Variants in AGTPBP1 observed in about 807,000 individuals in gnomAD.
AGTPBP1 encodes the protein cytosolic carboxypeptidase 1.
In AGTPBP1, 70 loss-of-function variants were observed where a neutral mutation model predicts 143.9. That is an observed-to-expected ratio of 0.49 (90% confidence interval 0.40 to 0.59). The LOEUF (loss-of-function observed/expected upper bound fraction) is 0.59, where lower values mean the gene tolerates loss of function less well. AGTPBP1 is among the 20% of genes least tolerant of loss of function. AGTPBP1 has a pLI of 0.00. For missense variants in AGTPBP1, 1,229 were observed against 1,464.5 expected (o/e 0.84, Z 2.62); for synonymous variants, 463 against 500.2 (o/e 0.93, Z 0.99).
chr9:85,650,700 C>T (rs1391752333), intron 11 of AGTPBP1, among the ~76,000 whole-genome samples: 3 of 152,142 alleles, frequency 2.0e-5, no homozygotes, highest in Non-Finnish European at 4.4e-5. Flanking sequence ...TTGCCTTTAA[C>T]ATCTACTTAG....
chr9:85,606,354 C>A (rs1299136225), intron 17 of AGTPBP1, among the ~76,000 whole-genome samples: 5 of 150,530 alleles, frequency 3.3e-5, no homozygotes, highest in Non-Finnish European at 5.9e-5. Context: ...CAATGAGATA[C>A]CATCTTACCC....
intron 3 of AGTPBP1, among the ~76,000 whole-genome samples, chr9:85,685,692 G>C (rs533998139): frequency 6.6e-6 from 1 of 152,088 alleles, no homozygotes; most frequent in South Asian, 2.1e-4. Context: ...AAAGAATAAA[G>C]AGCTTCCAAA....
intron 6 of AGTPBP1, among the ~76,000 whole-genome samples, chr9:85,674,695 A>C (rs1395535888): frequency 6.6e-6 from 1 of 152,194 alleles, no homozygotes; most frequent in Non-Finnish European, 1.5e-5. Flanking sequence ...CTGGAAAATT[A>C]AAGTCACTTC....
chr9:85,564,603 T>A (rs1826958315), intron 25 of AGTPBP1, among the ~76,000 whole-genome samples: 1 of 152,236 alleles, frequency 6.6e-6, no homozygotes, highest in Admixed American at 6.5e-5. Context: ...CCCATTGTGT[T>A]ACAATTATAT....
the AGTPBP1 span, among the ~76,000 whole-genome samples, chr9:85,757,094 TA>T: frequency 1.3e-5 from 2 of 152,150 alleles, no homozygotes; most frequent in African/African-American, 4.8e-5. Flanking sequence ...ACTTTATTAT[TA>T]TTTTTTATTT....
Position 85,728,076 on chromosome 9 carries a change from C to CACACACAT in AGTPBP1, c.-34+13698_-34+13699insATGTGTGT, listed in dbSNP as rs1187459225. Among the ~76,000 whole-genome samples the CACACACAT allele has an allele frequency of 6.8e-4, 98 of 144,212 alleles. 2 individuals carry two copies. The highest frequency in any genetic ancestry group is 1.6e-3 in the African/African-American group (60 of 38,694). The allele number at this position is 144,212 out of a possible 152,430, so 94.6% of individuals were successfully genotyped here. ...ACACACACACACACACACACACACA[C>CACACACAT]ATATTTACTTCAAGTGACAAGATTC... On this transcript the variant is annotated intron_variant, in intron 1 of 25. Transcript: ENST00000357081.
chr9:85,778,442 A>C, the AGTPBP1 span, among the ~76,000 whole-genome samples: 1 of 152,226 alleles, frequency 6.6e-6, no homozygotes, highest in East Asian at 1.9e-4. Flanking sequence ...TCCAAACAGC[A>C]TCCCTATCTG....
intron 3 of AGTPBP1, among the ~76,000 whole-genome samples, chr9:85,687,482 T>G (rs1055980380): frequency 6.6e-6 from 1 of 152,006 alleles, no homozygotes; most frequent in Non-Finnish European, 1.5e-5. Context: ...AAAACAAGTC[T>G]CAAGCAATTC....
intron 11 of AGTPBP1, among the ~76,000 whole-genome samples, chr9:85,653,812 AC>A (rs1160045027): frequency 2.0e-5 from 3 of 152,046 alleles, no homozygotes; most frequent in African/African-American, 7.2e-5. Context: ...TGCCCCTCTT[AC>A]CCAGTTTTCA....
In AGTPBP1 at chr9:85,557,226, A is replaced by G. The variant is rs190855027; in HGVS notation, c.3504-9940T>C. Reference sequence around the variant, plus strand: ...TAATTTGATACCTATCTACATCTCAATTATAAGGATCATTTACTTATGACA... The same window carrying G: ...TAATTTGATACCTATCTACATCTCAGTTATAAGGATCATTTACTTATGACA... On this transcript the variant is annotated intron_variant, in intron 25 of 25. Coordinates refer to ENST00000357081, the MANE Select transcript of AGTPBP1 (RefSeq NM_001330701.2). Among the ~76,000 whole-genome samples, 6 of 152,286 alleles carry G rather than the reference A, an allele frequency of 3.9e-5. No homozygotes were observed. The East Asian group carries it at 1.2e-3, about 29-fold the overall frequency.
chr9:85,706,238 C>T (rs62570565), intron 2 of AGTPBP1, among the ~76,000 whole-genome samples: 2,250 of 151,796 alleles, frequency 0.015, 24 homozygotes, highest in Middle Eastern at 0.037. Context: ...ATAGGCCAGG[C>T]ACAATGGCTC....
At chr9:85,641,533 T>A (rs996342454) in intron 13 of AGTPBP1, among the ~76,000 whole-genome samples, 3 of 151,966 alleles carry the variant, frequency 2.0e-5, no homozygotes, top group Non-Finnish European at 4.4e-5. Context: ...TACCTTCTCA[T>A]GTACCTCAAA....
chr9:85,680,953 T>C (rs541650498), intron 4 of AGTPBP1, among the ~76,000 whole-genome samples: 103 of 152,350 alleles, frequency 6.8e-4, no homozygotes, highest in Non-Finnish European at 1.2e-3. Flanking sequence ...TTATTTTCTA[T>C]ACCAACTAAA....
At chr9:85,699,406 G>A (rs117670734) in intron 2 of AGTPBP1, among the ~76,000 whole-genome samples, 1 of 152,002 alleles carries the variant, frequency 6.6e-6, no homozygotes, top group Non-Finnish European at 1.5e-5. Context: ...ATATAAATTT[G>A]CTTGAATATG....
intron 25 of AGTPBP1, among the ~76,000 whole-genome samples, chr9:85,561,182 T>G (rs556979777): frequency 2.6e-5 from 4 of 152,112 alleles, no homozygotes; most frequent in African/African-American, 9.6e-5. Context: ...GCTAATATGG[T>G]GAAACCCCGT....
At chr9:85,611,809 C>T (rs2133439545) in intron 17 of AGTPBP1, among the ~76,000 whole-genome samples, 1 of 152,194 alleles carries the variant, frequency 6.6e-6, no homozygotes, top group Non-Finnish European at 1.5e-5. Context: ...GCCTCCTGAG[C>T]AGCTGGGATT....
chr9:85,581,762 T>C (rs11141024), intron 23 of AGTPBP1, among the ~76,000 whole-genome samples: 53,345 of 152,064 alleles, frequency 0.35, 10,365 homozygotes, highest in Middle Eastern at 0.45. Context: ...GTTCACCTTA[T>C]TGGAAGGATG....
chr9:85,668,177 CATTAT>C (rs1210823715), intron 8 of AGTPBP1, among the ~76,000 whole-genome samples: 1 of 151,998 alleles, frequency 6.6e-6, no homozygotes, highest in African/African-American at 2.4e-5. Flanking sequence ...CATCAGAGTT[CATTAT>C]ATTATCCTCT....
rs748888097 is a variant in AGTPBP1, at chr9:85,672,674, T to A, written c.444A>T (p.Lys148Asn). The A allele has an allele frequency of 6.3e-7, 1 of 1,588,458 alleles. No individual in the cohort carries two copies. Among genetic ancestry groups the A allele is most frequent in the South Asian group, 1.2e-5 (1 of 85,984 alleles). Reference protein sequence around the residue: ...ILAKIGPKDKKFGVKARINGA... With the variant: ...ILAKIGPKDKNFGVKARINGA... ...CATTAATTCTAGCCTTTACTCCAAA[T>A]TTTTTATCTGTTTAAAAAAAAAAAA... Residue 148 changes from lysine to asparagine, a missense_variant, in exon 7 of 26, where the codon AAA becomes AAT. This residue lies in a region of AGTPBP1 where 743 missense variants were observed against 812.2 expected (regional missense o/e 0.91). Coordinates refer to ENST00000357081, the MANE Select transcript of AGTPBP1 (RefSeq NM_001330701.2).
Sources: gnomAD v4.1 joint callset for allele counts (sites outside exome capture counted in the v4.1 genomes callset) on GRCh38, gnomAD v4.1.1 for gene constraint, gnomAD v4.1.1 regional missense constraint, MANE v1.5 for transcripts, NCBI Gene and HGNC (gene_info 2026-07-23, HGNC 2026-07-21) for gene names.